CKMT2: variants seen among roughly 807,000 people sequenced by gnomAD.
The protein encoded by CKMT2 is creatine kinase S-type, mitochondrial.
A neutral mutation model predicts 48.9 loss-of-function variants in CKMT2; 43 were observed. The observed-to-expected ratio is 0.88, with a 90% confidence interval of 0.69 to 1.13. The LOEUF (loss-of-function observed/expected upper bound fraction) is 1.13, where lower values mean the gene tolerates loss of function less well. Among genes scored for constraint, CKMT2 ranks in the 50% most tolerant of loss-of-function variants. The probability of loss-of-function intolerance (pLI) is 0.00; values close to 1 mark genes in which losing one functional copy is unlikely to be tolerated. For synonymous variants in CKMT2, 206 were observed against 213.0 expected (o/e 0.97, Z 0.29); for missense variants, 472 against 555.4 (o/e 0.85, Z 1.51).
intron 1 of CKMT2, chr5:81,239,368 T>C (rs10942945): frequency 0.2 from 29,713 of 152,180 alleles, 3,130 homozygotes; most frequent in Admixed American, 0.28. Context: ...GGACTAGGAA[T>C]AGAACAGGGG....
chr5:81,259,488 C>T (rs1757134080), intron 8 of CKMT2: 1 of 356,376 alleles, frequency 2.8e-6, no homozygotes, highest in African/African-American at 2.1e-5. Flanking sequence ...TTACATTTTT[C>T]CTCATGTAAC....
chr5:81,239,390 CCTTT>C (rs964011372), intron 1 of CKMT2: 8 of 152,164 alleles, frequency 5.3e-5, no homozygotes, highest in Non-Finnish European at 8.8e-5. Context: ...CACATTTAGC[CCTTT>C]CTTTTTTTTG....
chr5:81,249,595 G>A (rs871701), intron 1 of CKMT2, among the ~76,000 whole-genome samples: 5,382 of 152,192 alleles, frequency 0.035, 249 homozygotes, highest in East Asian at 0.2. Flanking sequence ...TGGTAGTTCA[G>A]TACTTGTATT....
In CKMT2 at chr5:81,252,562, C is replaced by G. The variant is rs1295862932; in HGVS notation, c.153-133C>G. The G allele has an allele frequency of 3.6e-6, 3 of 833,504 alleles. No homozygotes were observed. The African/African-American group carries it at 5.0e-5, about 14-fold the overall frequency. The allele number at this position is 833,504 out of a possible 1,614,324, so 51.6% of individuals were successfully genotyped here. ...GGTGTATTCATTTATGACTCCTAGGCAGTTCTAGCCAAGTATCCCTGTGCC... is the reference window on the plus strand; with the variant it reads ...GGTGTATTCATTTATGACTCCTAGGGAGTTCTAGCCAAGTATCCCTGTGCC... On this transcript the variant is annotated intron_variant, in intron 2 of 9. Transcript: ENST00000254035.
In CKMT2 at chr5:81,251,261, G is replaced by C; in HGVS notation, c.129G>C (p.Glu43Asp). Residue 43 changes from glutamate (E) to aspartate (D), a missense_variant, in exon 2 of 10, where the codon GAG (glutamate) becomes GAC (aspartate). Physicochemically the swap from Glu to Asp is conservative, Grantham distance 45 (BLOSUM62 2). Coordinates refer to ENST00000254035, the MANE Select transcript of CKMT2 (RefSeq NM_001099735.2). ...NRQKVCAEVR[E>D]QPRLFPPSAD... Reference sequence around the variant, plus strand: ...AGAAAGTGTGTGCCGAGGTCCGGGAGCAGCCTAGGCTATTTCCTCCAAGGT... The same window carrying C: ...AGAAAGTGTGTGCCGAGGTCCGGGACCAGCCTAGGCTATTTCCTCCAAGGT... 1.2e-6 allele frequency: 2 copies of C among 1,614,066 alleles called. No individual in the cohort carries two copies. Among genetic ancestry groups the C allele is most frequent in the Non-Finnish European group, 1.7e-6 (2 of 1,180,004 alleles).
intron 8 of CKMT2, among the ~76,000 whole-genome samples, chr5:81,263,272 A>AT (rs1348111222): frequency 1.3e-5 from 2 of 151,746 alleles, no homozygotes; most frequent in African/African-American, 4.8e-5. Flanking sequence ...ATGTATACCT[A>AT]TTTAACAAAC....
In CKMT2 at chr5:81,233,380, C is replaced by T. The variant is rs944012559; in HGVS notation, c.-21+3C>T. The T allele has an allele frequency of 7.3e-5, 72 of 985,636 alleles. No homozygotes were observed. The highest frequency in any genetic ancestry group is 2.3e-4 in the South Asian group (5 of 21,300). The allele number at this position is 985,636 out of a possible 1,614,324, so 61.1% of individuals were successfully genotyped here. A position where few individuals can be genotyped will look rare whatever the true frequency, so the allele number is the denominator to read the frequency against. Reference sequence around the variant, plus strand: ...ACGTGGGAGGCTCCGGCTTCAAGGTCGGTGAGTCCGTGAAACTCTGCTTTA... The same window carrying T: ...ACGTGGGAGGCTCCGGCTTCAAGGTTGGTGAGTCCGTGAAACTCTGCTTTA... On this transcript the variant is annotated splice_donor_region_variant and intron_variant, in intron 1 of 9. Coordinates refer to ENST00000254035, the MANE Select transcript of CKMT2 (RefSeq NM_001099735.2).
intron 1 of CKMT2, among the ~76,000 whole-genome samples, chr5:81,248,717 C>A (rs895366843): frequency 6.6e-6 from 1 of 152,176 alleles, no homozygotes; most frequent in African/African-American, 2.4e-5. Context: ...GATATTAGCA[C>A]GGAAGAAGAA....
At chr5:81,257,669 G>A (rs919824333) in intron 6 of CKMT2, 64 bp from the exon 7 acceptor site, 2 of 1,482,180 alleles carry the variant, frequency 1.3e-6, no homozygotes. Context: ...GGGAGGTAAT[G>A]GGAATTTTCA....
Position 81,255,188 on chromosome 5 carries a change from GAGCAGGACCAGC to G in CKMT2, c.647_658del (p.Gln216_Gln219del), listed in dbSNP as rs1561284195. On this transcript the variant is annotated inframe_deletion, in exon 5 of 10. Coordinates refer to ENST00000254035, the MANE Select transcript of CKMT2 (RefSeq NM_001099735.2). ...CTACTACAAGCTGTCCGAGATGACG[GAGCAGGACCAGC>G]AGCGGCTCATCGATGTGAGTAGCAG... 2 of 1,614,088 alleles carry G rather than the reference GAGCAGGACCAGC, an allele frequency of 1.2e-6. No individual in the cohort carries two copies. Among genetic ancestry groups the G allele is most frequent in the Middle Eastern group, 3.3e-4 (2 of 6,062 alleles).
chr5:81,248,861 A>G (rs933195670), intron 1 of CKMT2, among the ~76,000 whole-genome samples: 68 of 152,174 alleles, frequency 4.5e-4, no homozygotes, highest in African/African-American at 1.6e-3. Flanking sequence ...TAGTTGGGAC[A>G]TTCAGGTTTA....
chr5:81,265,974 T>A (rs1294367794), intron 9 of CKMT2, among the ~76,000 whole-genome samples, 165 bp from the exon 10 acceptor site: 1 of 152,226 alleles, frequency 6.6e-6, no homozygotes, highest in African/African-American at 2.4e-5. Flanking sequence ...ATGGAAAGAT[T>A]GAGAGAAACC....
intron 1 of CKMT2, chr5:81,246,865 A>T (rs905023036): frequency 3.3e-5 from 5 of 152,244 alleles, no homozygotes; most frequent in Non-Finnish European, 5.9e-5. Context: ...GGTTCCCTGG[A>T]AGAAGGGTCC....
chr5:81,242,213 G>C (rs966007314), intron 1 of CKMT2: 7 of 243,292 alleles, frequency 2.9e-5, no homozygotes, highest in African/African-American at 1.6e-4. Flanking sequence ...TGTCTCACTT[G>C]GTGGCTTTTA....
At chr5:81,258,227 C>A (rs952661592) in intron 7 of CKMT2, among the ~76,000 whole-genome samples, 13 of 152,212 alleles carry the variant, frequency 8.5e-5, no homozygotes, top group African/African-American at 2.9e-4. Context: ...TGAGCCACCA[C>A]GCCCAGCCTC....
At chr5:81,256,592 G>A (rs944801293) in intron 5 of CKMT2, among the ~76,000 whole-genome samples, 3 of 152,210 alleles carry the variant, frequency 2.0e-5, no homozygotes, top group Non-Finnish European at 2.9e-5. Context: ...TAGGGTTGGT[G>A]TTGGTAGTGT....
chr5:81,242,696 C>T (rs1756478287), intron 1 of CKMT2: 1 of 197,530 alleles, frequency 5.1e-6, no homozygotes, highest in Non-Finnish European at 1.0e-5. Context: ...GAATGGGTAC[C>T]TAGCACTTAA....
intron 3 of CKMT2, among the ~76,000 whole-genome samples, chr5:81,254,186 C>T (rs935686441): frequency 6.6e-6 from 1 of 152,112 alleles, no homozygotes; most frequent in Admixed American, 6.5e-5. Flanking sequence ...GGGCAAGATG[C>T]CTTCAAAAGG....
chr5:81,252,474 A>G (rs1018525461), intron 2 of CKMT2, among the ~76,000 whole-genome samples: 3 of 152,214 alleles, frequency 2.0e-5, no homozygotes, highest in African/African-American at 7.2e-5. Flanking sequence ...TTCAACAGCC[A>G]GGGACTGTTT....
Sources: allele counts gnomAD v4.1 joint callset (sites outside exome capture counted in the v4.1 genomes callset), GRCh38; gene constraint gnomAD v4.1.1; transcripts MANE v1.5; gene names NCBI Gene and HGNC (gene_info 2026-07-23, HGNC 2026-07-21).